The following MYOM3 variants were observed in gnomAD, a reference collection of about 807,000 sequenced individuals.
MYOM3 encodes the protein myomesin 3.
MYOM3 carries 155 observed loss-of-function variants against 191.7 expected under a neutral mutation model. The ratio of observed to expected loss-of-function variants is 0.81; its 90% CI spans 0.71 to 0.92. MYOM3 has a LOEUF of 0.92. MYOM3 is among the 40% of genes least tolerant of loss of function. The pLI is 0.00. For missense variants in MYOM3, 1,889 were observed against 1,890.6 expected (o/e 1.00, Z 0.02); for synonymous variants, 757 against 762.9 (o/e 0.99, Z 0.13).
chr1:24,108,725 A>C, intron 1 of MYOM3, 71 bp from the exon 2 acceptor site: 2 of 1,186,464 alleles, frequency 1.7e-6, no homozygotes, highest in Non-Finnish European at 2.3e-6. Context: ...TCTTCCCAAC[A>C]TCTCTAGGAG....
intron 27 of MYOM3, among the ~76,000 whole-genome samples, chr1:24,067,493 C>G (rs148107966): frequency 6.7e-6 from 1 of 148,726 alleles, no homozygotes; most frequent in Non-Finnish European, 1.5e-5. Context: ...GACAGAGTCT[C>G]GCTCTGTTGC....
Position 24,089,548 on chromosome 1 carries a change from G to A in MYOM3, c.1604C>T (p.Ser535Phe). 1 of 1,601,588 alleles carries A rather than the reference G, an allele frequency of 6.2e-7. No homozygotes were observed. Among genetic ancestry groups the A allele is most frequent in the South Asian group, 1.1e-5 (1 of 88,460 alleles). ...SPRDRAPLTY[S>F]LEKSVIGSGT... ...CTCGGGGTTCCCTACCTTCTCCAGG[G>A]AGTACGTCAGTGGTGCTCTGTCCCG... The change falls in exon 14 of 37, where the codon TCC (serine) becomes TTC (phenylalanine). Residue 535 changes from serine (S) to phenylalanine (F), a missense_variant. Coordinates refer to ENST00000374434, the MANE Select transcript of MYOM3 (RefSeq NM_152372.4).
In MYOM3 at chr1:24,082,703, G is replaced by C; in HGVS notation, c.1982C>G (p.Pro661Arg). The C allele has an allele frequency of 6.2e-7, 1 of 1,606,242 alleles. No individual in the cohort carries two copies. The highest frequency in any genetic ancestry group is 8.5e-7 in the Non-Finnish European group (1 of 1,177,004). ...GTACTCCTTCCCCGTCCTCAGCCCG[G>C]GAACTGTAAACCTGGGAGAGAAATG... Reference protein sequence around the residue: ...KPIQGTRFTVPGLRTGKEYEF... With the variant: ...KPIQGTRFTVRGLRTGKEYEF... Residue 661 changes from proline (P) to arginine (R), a missense_variant, in exon 17 of 37, where the codon CCC (proline) becomes CGC (arginine). Transcript: ENST00000374434.
chr1:24,107,655 C>T (rs1643996320), intron 3 of MYOM3, among the ~76,000 whole-genome samples: 1 of 152,222 alleles, frequency 6.6e-6, no homozygotes. Context: ...AGTCTCTGGC[C>T]TTGTGGGAAA....
Position 24,108,554 on chromosome 1 carries a change from T to A in MYOM3, c.83A>T (p.Gln28Leu). 1 of 1,579,306 alleles carries A rather than the reference T, an allele frequency of 6.3e-7. No individual in the cohort carries two copies. The highest frequency in any genetic ancestry group is 8.6e-7 in the Non-Finnish European group (1 of 1,162,922). ...CCGCTCCTCCTTCTGCTCCTCCTCCTGCCGGTGCTCCAGCCTGTGAACCTC... is the reference window on the plus strand; with the variant it reads ...CCGCTCCTCCTTCTGCTCCTCCTCCAGCCGGTGCTCCAGCCTGTGAACCTC... ...AMEVHRLEHR[Q>L]EEEQKEERQH... Residue 28 changes from glutamine to leucine, a missense_variant, in exon 2 of 37, where the codon CAG becomes CTG. Physicochemically the swap from Gln to Leu is moderately radical, Grantham distance 113. Coordinates refer to ENST00000374434, the MANE Select transcript of MYOM3 (RefSeq NM_152372.4).
At chr1:24,073,263 A>C (rs147586538) in intron 23 of MYOM3, among the ~76,000 whole-genome samples, 8 of 152,300 alleles carry the variant, frequency 5.3e-5, no homozygotes, top group African/African-American at 1.9e-4. Context: ...TTTCTTAACA[A>C]AATCAAAAGG....
chr1:24,094,178 T>C lies in MYOM3; in HGVS notation c.928+675A>G, dbSNP rs1030388231. Among the ~76,000 whole-genome samples, 27 of 150,426 alleles carry C rather than the reference T, an allele frequency of 1.8e-4. 1 individual carries two copies. The highest frequency in any genetic ancestry group is 6.8e-3 in the Middle Eastern group (2 of 292). ...GAGTGCCCTCACTCACTTTTTTTTT[T>C]TTTTTTTTTTGAGATGGAGTCTTGC... On this transcript the variant is annotated intron_variant, in intron 9 of 36. Coordinates refer to ENST00000374434, the MANE Select transcript of MYOM3 (RefSeq NM_152372.4).
At chr1:24,084,807 G>T (rs551171927) in intron 15 of MYOM3, among the ~76,000 whole-genome samples, 168 bp from the exon 16 acceptor site, 1 of 152,074 alleles carries the variant, frequency 6.6e-6, no homozygotes, top group African/African-American at 2.4e-5. Context: ...AGGCCCAGAA[G>T]TGTATCCTAA....
In MYOM3 at chr1:24,057,471, C is replaced by T. The variant is rs773501383; in HGVS notation, c.4207G>A (p.Gly1403Ser). 36 of 1,614,134 alleles carry T rather than the reference C, an allele frequency of 2.2e-5. No individual in the cohort carries two copies. The highest frequency in any genetic ancestry group is 1.6e-4 in the Middle Eastern group (1 of 6,084). The change falls in exon 37 of 37, where the codon GGC (glycine) becomes AGC (serine). Residue 1403 changes from glycine (G) to serine (S), a missense_variant. Coordinates refer to ENST00000374434, the MANE Select transcript of MYOM3 (RefSeq NM_152372.4). Reference protein sequence around the residue: ...TIEKVNSEDSGRYGVFVKNKY... With the variant: ...TIEKVNSEDSSRYGVFVKNKY... ...TTCTTGACGAAGACGCCGTAGCGGC[C>T]GCTGTCTTCACTGTTGACCTTCTCA...
chr1:24,082,410 TG>T, intron 17 of MYOM3, 182 bp downstream of exon 17: 1 of 977,968 alleles, frequency 1.0e-6, no homozygotes, highest in Non-Finnish European at 1.4e-6. Context: ...CCCCATCCCA[TG>T]GCCTCAAGCC....
chr1:24,091,637 C>G (rs1036046517), intron 11 of MYOM3, among the ~76,000 whole-genome samples: 1 of 152,182 alleles, frequency 6.6e-6, no homozygotes, highest in African/African-American at 2.4e-5. Flanking sequence ...ATTAGATAGT[C>G]CCCCTCCCCT....
At chr1:24,057,810 C>T (rs1414656585) in intron 36 of MYOM3, among the ~76,000 whole-genome samples, 183 bp from the exon 37 acceptor site, 1 of 152,044 alleles carries the variant, frequency 6.6e-6, no homozygotes, top group Non-Finnish European at 1.5e-5. Context: ...CATCCTCAAC[C>T]TTTTATTTTA....
In MYOM3 at chr1:24,067,094, C is replaced by T. The variant is rs189632434; in HGVS notation, c.3356-6G>A. 2.4e-4 allele frequency: 375 copies of T among 1,569,048 alleles called. No individual in the cohort carries two copies. In the African/African-American group the frequency reaches 4.0e-3, roughly 17 times the overall value. ...CGGCCGCTCAAAATAGGGACCTGTG[C>T]GTGCAAAACAAATGTGCCCACTGTC... On this transcript the variant is annotated splice_polypyrimidine_tract_variant and splice_region_variant and intron_variant, in intron 27 of 36. Coordinates refer to ENST00000374434, the MANE Select transcript of MYOM3 (RefSeq NM_152372.4).
Position 24,090,901 on chromosome 1 carries a change from T to G in MYOM3, c.1328A>C (p.Tyr443Ser), listed in dbSNP as rs1643811635. The G allele has an allele frequency of 6.2e-7, 1 of 1,613,912 alleles. No individual in the cohort carries two copies. The highest frequency in any genetic ancestry group is 1.1e-5 in the South Asian group (1 of 91,078). Residue 443 changes from tyrosine to serine, a missense_variant, in exon 12 of 37, where the codon TAT becomes TCT. Tyr to Ser is a moderately radical substitution (Grantham distance 144, BLOSUM62 -2). Transcript: ENST00000374434. ...PIQGLVEGQS[Y>S]RFRVRAISRV... Reference sequence around the variant, plus strand: ...GCTGATGGCTCTCACCCGGAACCGATAGCTCTGACCTTCGACGAGGCCTTG... The same window carrying G: ...GCTGATGGCTCTCACCCGGAACCGAGAGCTCTGACCTTCGACGAGGCCTTG...
rs776157542 is a variant in MYOM3 at position 24,108,482 on chromosome 1, C to T, written c.155G>A (p.Arg52His). ...GGGACCCTGTGGCTCCCACCTGCTG[C>T]GGAAGGTCCGCCTCCGCACAGAGGA... ...MGSSVRRRTF[R>H]SSEEEHEFSA... The change falls in exon 2 of 37, where the codon CGC becomes CAC. Residue 52 changes from arginine (R) to histidine (H), a missense_variant. Arg to His is a conservative substitution (Grantham distance 29, BLOSUM62 0). Coordinates refer to ENST00000374434, the MANE Select transcript of MYOM3 (RefSeq NM_152372.4). The T allele has an allele frequency of 5.9e-5, 92 of 1,557,920 alleles. No individual in the cohort carries two copies. The highest frequency in any genetic ancestry group is 4.2e-4 in the African/African-American group (31 of 73,666).
chr1:24,091,867 C>T (rs138574642), intron 11 of MYOM3, among the ~76,000 whole-genome samples: 2 of 152,334 alleles, frequency 1.3e-5, no homozygotes, highest in African/African-American at 4.8e-5. Context: ...AACTAGCCCA[C>T]GAATTCACTG....
At chr1:24,109,382 C>G (rs1644020686) in intron 1 of MYOM3, among the ~76,000 whole-genome samples, 1 of 129,330 alleles carries the variant, frequency 7.7e-6, no homozygotes, top group African/African-American at 2.5e-5. Flanking sequence ...GTGCTTGGGG[C>G]TTAGTAAGTA....
intron 6 of MYOM3, among the ~76,000 whole-genome samples, chr1:24,098,569 G>C (rs1039328156): frequency 2.6e-5 from 4 of 152,222 alleles, no homozygotes; most frequent in African/African-American, 9.6e-5. Context: ...TGGTGACAGA[G>C]AGGAGGTGGT....
rs749609759 is a variant in MYOM3 at position 24,057,333 on chromosome 1, C to T, written c.*31G>A. On this transcript the variant is annotated 3_prime_UTR_variant, in exon 37 of 37. Transcript: ENST00000374434. ...GGTTGTCCCTACTGGTCCATGTAGA[C>T]TAGACTCAGACTGTGCCTGGACACA... is the stretch of plus-strand genomic sequence containing the variant. 2 of 1,600,856 alleles carry T rather than the reference C, an allele frequency of 1.2e-6. No homozygotes were observed. The highest frequency in any genetic ancestry group is 1.7e-6 in the Non-Finnish European group (2 of 1,172,932).
Sources: gnomAD v4.1 joint callset for allele counts (sites outside exome capture counted in the v4.1 genomes callset) on GRCh38, gnomAD v4.1.1 for gene constraint, MANE v1.5 for transcripts, NCBI Gene and HGNC (gene_info 2026-07-23, HGNC 2026-07-21) for gene names.